Variants in SDK1 observed in about 807,000 individuals in gnomAD.
The protein encoded by SDK1 is sidekick cell adhesion molecule 1.
A neutral mutation model predicts 245.5 loss-of-function variants in SDK1; 157 were observed. The observed-to-expected ratio is 0.64, with a 90% confidence interval of 0.56 to 0.73. SDK1 has a LOEUF of 0.73. SDK1 is among the 30% of genes least tolerant of loss of function. The pLI, the probability that SDK1 is intolerant of heterozygous loss-of-function variation, is 0.00. For missense variants in SDK1, 3,583 were observed against 3,002.3 expected (o/e 1.19, Z -4.52); for synonymous variants, 1,647 against 1,278.5 (o/e 1.29, Z -6.15).
At chr7:3,494,256 CTT>C (rs1781953212) in intron 1 of SDK1, among the ~76,000 whole-genome samples, 1 of 152,040 alleles carries the variant, frequency 6.6e-6, no homozygotes, top group African/African-American at 2.4e-5. Flanking sequence ...GTTTTAATAA[CTT>C]TTGTTATTTT....
At chr7:3,800,902 C>T (rs562981731) in intron 4 of SDK1, among the ~76,000 whole-genome samples, 2 of 152,296 alleles carry the variant, frequency 1.3e-5, no homozygotes, top group Admixed American at 1.3e-4. Flanking sequence ...GCCTAGTGGA[C>T]TTGTCCTTGT....
At chr7:3,391,418 A>T (rs6967281) in intron 1 of SDK1, among the ~76,000 whole-genome samples, 6 of 151,860 alleles carry the variant, frequency 4.0e-5, no homozygotes, top group African/African-American at 7.3e-5. Context: ...CCTCATCTTA[A>T]GGAATAGAGT....
chr7:3,464,246 A>G (rs1583895816), intron 1 of SDK1, among the ~76,000 whole-genome samples: 2 of 152,200 alleles, frequency 1.3e-5, no homozygotes, highest in Non-Finnish European at 2.9e-5. Context: ...GTATTGGGCC[A>G]GGCATGGTGG....
intron 17 of SDK1, among the ~76,000 whole-genome samples, chr7:4,019,944 G>A (rs182357402): frequency 1.4e-4 from 21 of 152,274 alleles, no homozygotes; most frequent in Middle Eastern, 3.4e-3. Flanking sequence ...TCCCTCTCTG[G>A]ATGTCTCGGA....
chr7:3,803,654 T>C (rs1779167559), intron 4 of SDK1, among the ~76,000 whole-genome samples: 2 of 152,090 alleles, frequency 1.3e-5, no homozygotes, highest in Admixed American at 6.5e-5. Flanking sequence ...TTGTTGACTT[T>C]TAAGAGTTCT....
intron 1 of SDK1, among the ~76,000 whole-genome samples, chr7:3,409,213 T>G (rs1779132929): frequency 6.6e-6 from 1 of 152,220 alleles, no homozygotes; most frequent in Admixed American, 6.5e-5. Flanking sequence ...TACACTCCTT[T>G]GCCTCACTGA....
intron 22 of SDK1, among the ~76,000 whole-genome samples, chr7:4,104,868 A>AT (rs150460698): frequency 0.047 from 7,047 of 149,830 alleles, 559 homozygotes; most frequent in African/African-American, 0.16. Flanking sequence ...TGCCTGGCTA[A>AT]TTTTTTTTTT....
chr7:4,098,099 A>T (rs1001181236), intron 22 of SDK1, among the ~76,000 whole-genome samples: 4 of 152,156 alleles, frequency 2.6e-5, no homozygotes, highest in Middle Eastern at 6.8e-3. Flanking sequence ...TTTCTCTCTT[A>T]TTTCTCAACC....
Position 3,779,213 on chromosome 7 carries a change from A to T in SDK1, c.714-42237A>T, listed in dbSNP as rs10254515. Among the ~76,000 whole-genome samples, 853 of 152,344 alleles carry T rather than the reference A, an allele frequency of 5.6e-3. 9 individuals carry two copies. Among genetic ancestry groups the T allele is most frequent in the African/African-American group, 0.02 (820 of 41,578 alleles). On this transcript the variant is annotated intron_variant, in intron 4 of 44. Coordinates refer to ENST00000404826, the MANE Select transcript of SDK1 (RefSeq NM_152744.4). The stretch of plus-strand genomic sequence containing the variant: ...GGTCCAAGAAATTGTGAATAAAATG[A>T]ATACAGAGCTGGAGTTGGCCAACTT...
At chr7:3,709,096 T>G (rs1213594537) in intron 4 of SDK1, among the ~76,000 whole-genome samples, 1 of 152,228 alleles carries the variant, frequency 6.6e-6, no homozygotes, top group Non-Finnish European at 1.5e-5. Flanking sequence ...GTTTCAGAAT[T>G]CAGAACTCCT....
In SDK1 at chr7:4,265,328, A is replaced by G; in HGVS notation, c.6586A>G (p.Thr2196Ala). 6.7e-7 allele frequency: 1 copy of G among 1,497,798 alleles called. No homozygotes were observed. The highest frequency in any genetic ancestry group is 8.8e-7 in the Non-Finnish European group (1 of 1,136,416). The allele number at this position is 1,497,798 out of a possible 1,614,324, so 92.8% of individuals were successfully genotyped here. Residue 2196 changes from threonine (T) to alanine (A), a missense_variant, in exon 45 of 45, where the codon ACC becomes GCC. Transcript: ENST00000404826. Reference protein sequence around the residue: ...ITTQSAGGVYTPAGPGARTPL... With the variant: ...ITTQSAGGVYAPAGPGARTPL... ...CACGCAGAGCGCGGGCGGCGTCTAC[A>G]CCCCCGCTGGCCCCGGCGCGCGAAC...
At chr7:3,794,060 C>G (rs1025224213) in intron 4 of SDK1, among the ~76,000 whole-genome samples, 1 of 152,168 alleles carries the variant, frequency 6.6e-6, no homozygotes, top group African/African-American at 2.4e-5. Flanking sequence ...AAGAAGCATG[C>G]TATCTTTATA....
intron 1 of SDK1, among the ~76,000 whole-genome samples, chr7:3,561,118 G>C (rs958509254): frequency 6.6e-6 from 1 of 152,052 alleles, no homozygotes; most frequent in Non-Finnish European, 1.5e-5. Context: ...TTGCAAGCTT[G>C]ATGAGGGTAG....
intron 7 of SDK1, among the ~76,000 whole-genome samples, chr7:3,952,482 C>T (rs1258212489): frequency 4.6e-5 from 7 of 152,036 alleles, no homozygotes; most frequent in East Asian, 3.9e-4. Flanking sequence ...ACTCGGGAGG[C>T]GGAGGCACGA....
intron 1 of SDK1, among the ~76,000 whole-genome samples, chr7:3,431,859 G>A (rs935849111): frequency 1.4e-5 from 2 of 147,724 alleles, no homozygotes; most frequent in African/African-American, 2.5e-5. Flanking sequence ...ACATAAATCA[G>A]GAGTGATTTT....
chr7:4,097,965 G>A (rs1782269834), intron 22 of SDK1, among the ~76,000 whole-genome samples: 1 of 139,222 alleles, frequency 7.2e-6, no homozygotes, highest in Admixed American at 6.9e-5. Context: ...TTTTTGTTCT[G>A]GTGTAATGTC....
chr7:3,513,983 G>A (rs1270683916), intron 1 of SDK1, among the ~76,000 whole-genome samples: 1 of 152,162 alleles, frequency 6.6e-6, no homozygotes, highest in African/African-American at 2.4e-5. Context: ...TTATGGCTGT[G>A]TAATATTCCA....
At chr7:3,719,846 G>T (rs975662631) in intron 4 of SDK1, among the ~76,000 whole-genome samples, 1 of 151,854 alleles carries the variant, frequency 6.6e-6, no homozygotes, top group Non-Finnish European at 1.5e-5. Context: ...GTGTGGTGGT[G>T]CGTGCCTGAA....
intron 17 of SDK1, among the ~76,000 whole-genome samples, chr7:4,049,139 G>T (rs1225686596): frequency 6.6e-6 from 1 of 152,234 alleles, no homozygotes; most frequent in Non-Finnish European, 1.5e-5. Flanking sequence ...ATGCCTTAAA[G>T]AATTCTGCAA....
Sources: allele counts gnomAD v4.1 joint callset (sites outside exome capture counted in the v4.1 genomes callset), GRCh38; gene constraint gnomAD v4.1.1; transcripts MANE v1.5; gene names NCBI Gene and HGNC (gene_info 2026-07-23, HGNC 2026-07-21).